The following MADD variants were observed in gnomAD, a reference collection of about 807,000 sequenced individuals.
MADD encodes MAP kinase activating death domain.
MADD carries 109 observed loss-of-function variants against 176.7 expected under a neutral mutation model. The ratio of observed to expected loss-of-function variants is 0.62; its 90% CI spans 0.53 to 0.72. The LOEUF is 0.72. MADD is among the 30% of genes least tolerant of loss of function. The pLI is 0.00. For missense variants in MADD, 1,914 were observed against 2,045.5 expected, an observed-to-expected ratio of 0.94 and a Z score of 1.24; for synonymous variants, 771 against 771.3, an observed-to-expected ratio of 1.00 and a Z score of 0.01.
At chr11:47,290,432 T>G in intron 18 of MADD, 133 bp downstream of exon 19, 2 of 1,329,546 alleles carry the variant, frequency 1.5e-6, no homozygotes, top group Non-Finnish European at 2.0e-6. Context: ...GGATTTTATT[T>G]TCTAATGCAT....
At position 47,322,450 on chromosome 11, in the gene MADD, A is replaced by T. The variant is rs1049168074; in HGVS notation, c.4198-1221A>T. ...GTGAAACCCCGTCTCTACTTAAAAA[A>T]ATATATAAAAAATTAGCCGGGCATG... On this transcript the variant is annotated intron_variant, in intron 27 of 32. Transcript: ENST00000402192. Among the ~76,000 whole-genome samples, 9 of 152,236 alleles carry T rather than the reference A, an allele frequency of 5.9e-5. No individual in the cohort carries two copies. In the East Asian group the frequency reaches 1.4e-3, roughly 23 times the overall value.
intron 30 of MADD, chr11:47,324,839 G>A (rs1007887893): frequency 4.7e-6 from 3 of 643,616 alleles, no homozygotes; most frequent in South Asian, 1.8e-5. Flanking sequence ...TGCCCCATCC[G>A]TTGGACTCCA....
intron 8 of MADD, 81 bp from the exon 9 acceptor site, chr11:47,282,300 T>C: frequency 8.9e-7 from 1 of 1,119,394 alleles, no homozygotes; most frequent in South Asian, 1.3e-5. Context: ...AAGTGATGGC[T>C]TTGGGAGGTG....
chr11:47,322,337 G>A (rs2094595068), intron 27 of MADD, among the ~76,000 whole-genome samples: 1 of 152,170 alleles, frequency 6.6e-6, no homozygotes, highest in African/African-American at 2.4e-5. Flanking sequence ...GCTGCGCATG[G>A]TGGCTCACGT....
In MADD at chr11:47,274,585, GCC is replaced by G; in HGVS notation, c.87_88del (p.Gln30AspfsTer3). ...CAGGCACCCGAGCAGTGATAGCGTG[GCC>G]CAGACTCCTGAATTGCTACGGCGAT... On this transcript the variant is annotated frameshift_variant, in exon 3 of 33. Coordinates refer to ENST00000402192, the Ensembl canonical transcript of MADD. LOFTEE classifies it high-confidence loss of function. 1 of 1,613,126 alleles carries G rather than the reference GCC, an allele frequency of 6.2e-7. No individual in the cohort carries two copies.
chr11:47,295,431 G>A, intron 20 of MADD, 65 bp from the exon 23 acceptor site: 1 of 1,316,406 alleles, frequency 7.6e-7, no homozygotes, highest in South Asian at 1.2e-5. Flanking sequence ...AAAAGGTACA[G>A]TATTTCTGTG....
intron 30 of MADD, 27 bp downstream of exon 33, chr11:47,324,604 C>T (rs767062219): frequency 6.7e-7 from 1 of 1,493,542 alleles, no homozygotes; most frequent in African/African-American, 1.4e-5. Context: ...GCACGAGGCT[C>T]CCTGTCGTTC....
At chr11:47,286,071 A>T (rs2060420869) in intron 14 of MADD, among the ~76,000 whole-genome samples, 2 of 152,222 alleles carry the variant, frequency 1.3e-5, no homozygotes, top group Admixed American at 1.3e-4. Flanking sequence ...GAGAGAGCGA[A>T]CGTAGAGGAT....
At chr11:47,285,858 A>T (rs1474601463) in intron 14 of MADD, among the ~76,000 whole-genome samples, 1 of 152,232 alleles carries the variant, frequency 6.6e-6, no homozygotes, top group Non-Finnish European at 1.5e-5. Context: ...AGTAAATTCA[A>T]AATCACACAC....
At chr11:47,327,135 C>A in intron 31 of MADD, 1 of 1,065,220 alleles carries the variant, frequency 9.4e-7, no homozygotes, top group Non-Finnish European at 1.1e-6. Flanking sequence ...AGACTGGCGA[C>A]CCCCAAGCTC....
intron 22 of MADD, among the ~76,000 whole-genome samples, chr11:47,302,501 C>T (rs912527591): frequency 1.1e-4 from 16 of 152,172 alleles, no homozygotes; most frequent in African/African-American, 3.1e-4. Flanking sequence ...CGTGAGCCAC[C>T]GTGCTCAGCC....
At chr11:47,279,801 G>A (rs2054638380) in intron 7 of MADD, among the ~76,000 whole-genome samples, 1 of 151,888 alleles carries the variant, frequency 6.6e-6, no homozygotes, top group Admixed American at 6.6e-5. Flanking sequence ...GGCTGGGCAC[G>A]GTGCCTCATG....
In MADD at chr11:47,285,200, A is replaced by G. The variant is rs1565345557; in HGVS notation, c.2411+6A>G. Reference sequence around the variant, plus strand: ...CAACATGTCAGTGGCAATCGGTGAGAGCCTGGGCATCCCTTCTAGATGGGT... The same window carrying G: ...CAACATGTCAGTGGCAATCGGTGAGGGCCTGGGCATCCCTTCTAGATGGGT... On this transcript the variant is annotated splice_donor_region_variant and intron_variant, in intron 13 of 32. Coordinates refer to ENST00000402192, the Ensembl canonical transcript of MADD. 1.2e-6 allele frequency: 2 copies of G among 1,612,958 alleles called. No individual in the cohort carries two copies. The highest frequency in any genetic ancestry group is 1.7e-6 in the Non-Finnish European group (2 of 1,179,718).
chr11:47,324,428 C>T, intron 29 of MADD, 43 bp from the exon 33 acceptor site: 1 of 1,583,554 alleles, frequency 6.3e-7, no homozygotes, highest in Non-Finnish European at 8.7e-7. Context: ...GGGTGGGATT[C>T]CCCACCTCAC....
intron 23 of MADD, 77 bp downstream of exon 26, chr11:47,309,119 G>T: frequency 1.3e-6 from 2 of 1,564,414 alleles, no homozygotes; most frequent in Non-Finnish European, 1.8e-6. Context: ...GGCATCTGGG[G>T]CTGGTGGCAG....
At position 47,315,142 on chromosome 11, in the gene MADD, T is replaced by G. The variant is rs934420869; in HGVS notation, c.4090-78T>G. 1.6e-4 allele frequency: 128 copies of G among 804,024 alleles called. 1 individual carries two copies. Among genetic ancestry groups the G allele is most frequent in the South Asian group, 1.1e-3 (79 of 69,086 alleles). 49.8% of individuals were successfully genotyped at this position (804,024 alleles called of 1,614,324 possible). ...CTGAGGAAGCCGATATGAATTTGATTGCTGGATGGGGAATTCTTGGCCCAG... is the reference window on the plus strand; with the variant it reads ...CTGAGGAAGCCGATATGAATTTGATGGCTGGATGGGGAATTCTTGGCCCAG... On this transcript the variant is annotated intron_variant, in intron 26 of 32. Transcript: ENST00000402192.
At chr11:47,283,060 C>T (rs1414054992) in intron 10 of MADD, 91 bp downstream of exon 10, 6 of 1,062,020 alleles carry the variant, frequency 5.6e-6, no homozygotes, top group Non-Finnish European at 7.8e-6. Context: ...GTCTCATAGG[C>T]TTCCCATATC....
At chr11:47,284,610 T>C (rs1391690336) in intron 12 of MADD, 45 bp downstream of exon 12, 2 of 1,593,146 alleles carry the variant, frequency 1.3e-6, no homozygotes, top group Admixed American at 1.7e-5. Context: ...GCCTGGGATG[T>C]GGGCCTCATC....
chr11:47,274,110 G>A lies in MADD; in HGVS notation c.62+134G>A, dbSNP rs548525206. The stretch of plus-strand genomic sequence containing the variant: ...GTTATTTTACCCTGATGGGAGCATC[G>A]AAGCCAGTAGGGAAAAAACAAAATC... On this transcript the variant is annotated intron_variant, in intron 2 of 32. Coordinates refer to ENST00000402192, the Ensembl canonical transcript of MADD. 3.0e-5 allele frequency: 25 copies of A among 820,016 alleles called. No individual in the cohort carries two copies. The South Asian group carries it at 3.2e-4, about 11-fold the overall frequency. The allele number at this position is 820,016 out of a possible 1,614,324, so 50.8% of individuals were successfully genotyped here. A position where few individuals can be genotyped will look rare whatever the true frequency, so the allele number is the denominator to read the frequency against.
Sources: gnomAD v4.1 joint callset for allele counts (sites outside exome capture counted in the v4.1 genomes callset) on GRCh38, gnomAD v4.1.1 for gene constraint, MANE v1.5 for transcripts, NCBI Gene and HGNC (gene_info 2026-07-23, HGNC 2026-07-21) for gene names.